KCNIP4: variants seen among roughly 807,000 people sequenced by gnomAD.
KCNIP4 encodes Kv channel-interacting protein 4.
In KCNIP4, 12 loss-of-function variants were observed where a neutral mutation model predicts 34.0. That is an observed-to-expected ratio of 0.35 (90% CI 0.23 to 0.57). The LOEUF is 0.57. KCNIP4 is among the 20% of genes least tolerant of loss of function. The probability of loss-of-function intolerance (pLI) is 0.83; values close to 1 mark genes in which losing one functional copy is unlikely to be tolerated. For missense variants in KCNIP4, 238 were observed against 311.7 expected, an observed-to-expected ratio of 0.76 and a Z score of 1.78; for synonymous variants, 124 against 102.2, an observed-to-expected ratio of 1.21 and a Z score of -1.29.
chr4:21,354,129 A>G (rs1294959087), intron 1 of KCNIP4, among the ~76,000 whole-genome samples: 1 of 152,240 alleles, frequency 6.6e-6, no homozygotes, highest in African/African-American at 2.4e-5. Context: ...GGCCTGCCCT[A>G]CAAGACCTCC....
chr4:21,386,267 A>G (rs1359556168), intron 1 of KCNIP4, among the ~76,000 whole-genome samples: 1 of 152,168 alleles, frequency 6.6e-6, no homozygotes, highest in African/African-American at 2.4e-5. Context: ...TCTTTACTAA[A>G]TAGACATGAA....
chr4:21,639,270 A>C (rs1423206810), intron 1 of KCNIP4, among the ~76,000 whole-genome samples: 1 of 152,202 alleles, frequency 6.6e-6, no homozygotes. Flanking sequence ...ATAAAGTTTA[A>C]ATCATATTTA....
At chr4:21,197,017 C>T (rs558218402) in intron 1 of KCNIP4, among the ~76,000 whole-genome samples, 124 of 152,164 alleles carry the variant, frequency 8.1e-4, no homozygotes, top group Middle Eastern at 3.4e-3. Context: ...TTAATGTAAA[C>T]GGAATCGTAA....
chr4:20,880,033 C>T (rs1724499616), intron 2 of KCNIP4, among the ~76,000 whole-genome samples: 1 of 152,054 alleles, frequency 6.6e-6, no homozygotes, highest in South Asian at 2.1e-4. Flanking sequence ...TAGTATTATG[C>T]TTGCCATTAA....
At chr4:21,763,122 G>C in intron 1 of KCNIP4, 3 of 1,285,978 alleles carry the variant, frequency 2.3e-6, no homozygotes, top group Non-Finnish European at 3.0e-6. Context: ...AGGTTCACCA[G>C]ACAATAATTC....
chr4:21,337,420 T>G (rs990950811), intron 1 of KCNIP4, among the ~76,000 whole-genome samples: 3 of 151,848 alleles, frequency 2.0e-5, no homozygotes, highest in African/African-American at 4.8e-5. Context: ...GTTCAGGGGG[T>G]TTGAGAAATG....
chr4:20,836,324 G>A (rs7691162), intron 3 of KCNIP4, among the ~76,000 whole-genome samples: 2,777 of 152,242 alleles, frequency 0.018, 70 homozygotes, highest in African/African-American at 0.056. Context: ...TCTTCAACCA[G>A]GAATAACTTT....
In KCNIP4 at chr4:21,484,005, CTT is replaced by C. The variant is rs35586015; in HGVS notation, c.61+464564_61+464565del. On this transcript the variant is annotated intron_variant, in intron 1 of 8. Transcript: ENST00000382152. Reference sequence around the variant, plus strand: ...CTGCAGAACCATGAGCCAATTAAACCTTTTTTTTTTTTATAGATTACCCAGTT... The same window carrying C: ...CTGCAGAACCATGAGCCAATTAAACCTTTTTTTTTTATAGATTACCCAGTT... Among the ~76,000 whole-genome samples the C allele has an allele frequency of 3.3e-3, 482 of 147,268 alleles. 1 individual carries two copies. The highest frequency in any genetic ancestry group is 4.4e-3 in the African/African-American group (176 of 40,330).
At chr4:21,583,898 TTG>T (rs932517645) in intron 1 of KCNIP4, among the ~76,000 whole-genome samples, 9 of 152,080 alleles carry the variant, frequency 5.9e-5, no homozygotes, top group Non-Finnish European at 1.3e-4. Context: ...ATAAGATTTT[TTG>T]TGTGTGGTAA....
intron 1 of KCNIP4, among the ~76,000 whole-genome samples, chr4:21,730,301 T>C (rs1715495138): frequency 1.3e-5 from 2 of 152,200 alleles, no homozygotes. Context: ...CTCATTAACA[T>C]TTGCAACTTA....
chr4:21,690,180 C>T (rs887001518), intron 1 of KCNIP4, among the ~76,000 whole-genome samples: 9 of 148,948 alleles, frequency 6.0e-5, no homozygotes, highest in East Asian at 2.0e-4. Flanking sequence ...TACACATCAA[C>T]GATGATCTCT....
intron 1 of KCNIP4, among the ~76,000 whole-genome samples, chr4:21,020,769 T>C (rs1739960732): frequency 6.6e-6 from 1 of 152,118 alleles, no homozygotes; most frequent in Admixed American, 6.6e-5. Flanking sequence ...TATGCAAAGA[T>C]TGAGTGAATG....
At chr4:21,091,351 A>G (rs1408460566) in intron 1 of KCNIP4, among the ~76,000 whole-genome samples, 1 of 152,200 alleles carries the variant, frequency 6.6e-6, no homozygotes, top group Non-Finnish European at 1.5e-5. Flanking sequence ...AGACATATGT[A>G]CAAATATTGA....
chr4:21,376,151 TTTC>T (rs1720942470), intron 1 of KCNIP4, among the ~76,000 whole-genome samples: 1 of 152,244 alleles, frequency 6.6e-6, no homozygotes. Flanking sequence ...CAACTTGTTT[TTTC>T]TTCTTTTGAA....
chr4:20,993,755 C>T (rs1391810869), intron 1 of KCNIP4, among the ~76,000 whole-genome samples: 1 of 152,204 alleles, frequency 6.6e-6, no homozygotes, highest in Non-Finnish European at 1.5e-5. Flanking sequence ...TAAATTACCA[C>T]AAGCCTGGTG....
intron 1 of KCNIP4, among the ~76,000 whole-genome samples, chr4:21,223,850 T>C (rs963988944): frequency 6.6e-6 from 1 of 152,056 alleles, no homozygotes; most frequent in Non-Finnish European, 1.5e-5. Context: ...GTTCATCTGC[T>C]GGGAGGAGGA....
At position 21,400,755 on chromosome 4, in the gene KCNIP4, T is replaced by C. The variant is rs572601893; in HGVS notation, c.62-518046A>G. ...TTCTATAAGGGTTGCATTCAGCAAA[T>C]ATGTAGAATTTTAAAGCTGGAAGAG... On this transcript the variant is annotated intron_variant, in intron 1 of 8. Coordinates refer to ENST00000382152, the MANE Select transcript of KCNIP4 (RefSeq NM_025221.6). Among the ~76,000 whole-genome samples the C allele has an allele frequency of 1.5e-3, 235 of 152,106 alleles. 1 individual carries two copies. The highest frequency in any genetic ancestry group is 2.6e-3 in the Non-Finnish European group (174 of 67,996).
chr4:21,356,336 G>A (rs75133428), intron 1 of KCNIP4, among the ~76,000 whole-genome samples: 1,788 of 152,170 alleles, frequency 0.012, 28 homozygotes, highest in African/African-American at 0.041. Flanking sequence ...TCAGGCAAGA[G>A]AAAGAAAGGG....
At chr4:20,855,326 G>A (rs926045847) in intron 2 of KCNIP4, among the ~76,000 whole-genome samples, 2 of 152,064 alleles carry the variant, frequency 1.3e-5, no homozygotes, top group Non-Finnish European at 2.9e-5. Context: ...AAACATCCAG[G>A]CTCAGTATGA....
Sources: allele counts gnomAD v4.1 joint callset (sites outside exome capture counted in the v4.1 genomes callset), GRCh38; gene constraint gnomAD v4.1.1; transcripts MANE v1.5; gene names NCBI Gene and HGNC (gene_info 2026-07-23, HGNC 2026-07-21).